The following UNC13C variants were observed in gnomAD, a reference collection of about 807,000 sequenced individuals.
UNC13C encodes protein unc-13 homolog C.
A neutral mutation model predicts 245.4 loss-of-function variants in UNC13C; 174 were observed. That is an observed-to-expected ratio of 0.71 (90% CI 0.63 to 0.80). The LOEUF is 0.80. Among genes scored for constraint, UNC13C ranks in the 30% least tolerant of loss-of-function variants. UNC13C has a pLI of 0.00. For synonymous variants in UNC13C, 992 were observed against 895.1 expected (o/e 1.11, Z -1.93); for missense variants, 2,829 against 2,602.9 (o/e 1.09, Z -1.89).
At chr15:54,026,850 G>A (rs150927377) in intron 2 of UNC13C, among the ~76,000 whole-genome samples, 19 of 152,264 alleles carry the variant, frequency 1.2e-4, no homozygotes, top group South Asian at 2.1e-4. Flanking sequence ...CTGGCTGGGC[G>A]TCTGGGATAT....
chr15:54,119,380 A>G (rs2030506262), intron 2 of UNC13C, among the ~76,000 whole-genome samples: 1 of 152,052 alleles, frequency 6.6e-6, no homozygotes, highest in Non-Finnish European at 1.5e-5. Flanking sequence ...GTGATCAGTG[A>G]CCTTTGATAT....
chr15:53,878,737 T>C, the UNC13C span, among the ~76,000 whole-genome samples: 3 of 152,206 alleles, frequency 2.0e-5, no homozygotes, highest in Non-Finnish European at 4.4e-5. Context: ...TATTCCTAAT[T>C]CAGTTTACTT....
chr15:54,293,320 G>T (rs1383254217), intron 10 of UNC13C, among the ~76,000 whole-genome samples: 2 of 151,962 alleles, frequency 1.3e-5, no homozygotes, highest in African/African-American at 4.8e-5. Flanking sequence ...ACAAAAGAGG[G>T]TGAAGAAAAC....
intron 2 of UNC13C, among the ~76,000 whole-genome samples, chr15:54,095,878 T>A (rs1899834611): frequency 6.6e-6 from 1 of 152,230 alleles, no homozygotes; most frequent in Non-Finnish European, 1.5e-5. Flanking sequence ...GGGGAAAGAT[T>A]ATTTTATGAC....
intron 17 of UNC13C, among the ~76,000 whole-genome samples, chr15:54,341,568 A>G (rs1257124569): frequency 6.6e-6 from 1 of 151,770 alleles, no homozygotes; most frequent in Non-Finnish European, 1.5e-5. Context: ...TCATGAATCT[A>G]AAATAAATGT....
intron 13 of UNC13C, among the ~76,000 whole-genome samples, chr15:54,316,301 G>A (rs1266087822): frequency 6.6e-6 from 1 of 151,818 alleles, no homozygotes; most frequent in African/African-American, 2.4e-5. Flanking sequence ...TATTGCTGGA[G>A]TTCACTTTAC....
chr15:54,273,455 A>G (rs542487586), intron 10 of UNC13C, among the ~76,000 whole-genome samples: 5 of 152,260 alleles, frequency 3.3e-5, no homozygotes, highest in African/African-American at 9.6e-5. Flanking sequence ...CCCATGGTAT[A>G]TCATAGCCTT....
At chr15:54,306,347 A>T (rs1266781951) in intron 13 of UNC13C, among the ~76,000 whole-genome samples, 2 of 152,012 alleles carry the variant, frequency 1.3e-5, no homozygotes, top group Non-Finnish European at 2.9e-5. Context: ...TGGCAAATGC[A>T]ACCATCCATC....
rs143344550 is a variant in UNC13C, at chr15:54,266,559, C to T, written c.3818+1063C>T. 2.9e-3 allele frequency among the ~76,000 whole-genome samples: 438 copies of T among 152,050 alleles called. 3 individuals are homozygous for T. Among genetic ancestry groups the T allele is most frequent in the African/African-American group, 0.01 (427 of 41,530 alleles). ...TGATTCCCAGAAAAGAAATGGCTTC[C>T]GTTGCCATGCGATCATGTAGACAAG... On this transcript the variant is annotated intron_variant, in intron 10 of 32. Coordinates refer to ENST00000260323, the MANE Select transcript of UNC13C (RefSeq NM_001080534.3).
chr15:54,065,626 T>G (rs566792693), intron 2 of UNC13C, among the ~76,000 whole-genome samples: 1 of 152,350 alleles, frequency 6.6e-6, no homozygotes, highest in Admixed American at 6.5e-5. Flanking sequence ...TGCTGGGCTC[T>G]TTCTTTAGGG....
intron 9 of UNC13C, among the ~76,000 whole-genome samples, chr15:54,264,921 T>C (rs1343842352): frequency 2.0e-5 from 3 of 151,966 alleles, no homozygotes; most frequent in African/African-American, 7.2e-5. Flanking sequence ...TCATTTTGTA[T>C]TTACAAGATA....
At chr15:54,130,518 T>G (rs1403132320) in intron 2 of UNC13C, among the ~76,000 whole-genome samples, 5 of 152,042 alleles carry the variant, frequency 3.3e-5, no homozygotes, top group East Asian at 1.9e-4. Context: ...GGTCTCTATC[T>G]CCTGACCTCG....
intron 13 of UNC13C, chr15:54,321,115 G>A (rs1232211206): frequency 5.8e-6 from 3 of 513,410 alleles, no homozygotes; most frequent in African/African-American, 1.9e-5. Flanking sequence ...TCAACTGGGT[G>A]AGGCACTAGC....
chr15:54,235,229 G>A, intron 5 of UNC13C, 121 bp downstream of exon 5: 1 of 706,976 alleles, frequency 1.4e-6, no homozygotes, highest in Non-Finnish European at 2.3e-6. Context: ...AAATATATGA[G>A]GCCAGATGCT....
intron 3 of UNC13C, 45 bp downstream of exon 3, chr15:54,143,085 T>C (rs749655191): frequency 6.4e-7 from 1 of 1,557,172 alleles, no homozygotes; most frequent in East Asian, 2.2e-5. Context: ...ATCTTGTCTT[T>C]TGTACATGTT....
At chr15:53,918,520 G>A in the UNC13C span, among the ~76,000 whole-genome samples, 1 of 152,308 alleles carries the variant, frequency 6.6e-6, no homozygotes, top group East Asian at 1.9e-4. Context: ...CCATGACCTT[G>A]ATATTTTTAT....
chr15:54,239,562 G>A (rs894332292), intron 7 of UNC13C, among the ~76,000 whole-genome samples: 1 of 152,082 alleles, frequency 6.6e-6, no homozygotes, highest in African/African-American at 2.4e-5. Context: ...ATGATCCTCT[G>A]GCCTCTGCCT....
chr15:54,103,753 A>G lies in UNC13C; in HGVS notation c.2984-39265A>G, dbSNP rs183506499. Among the ~76,000 whole-genome samples, 9 of 151,472 alleles carry G rather than the reference A, an allele frequency of 5.9e-5. No individual in the cohort carries two copies. In the East Asian group the frequency reaches 1.7e-3, roughly 29 times the overall value. On this transcript the variant is annotated intron_variant, in intron 2 of 32. Transcript: ENST00000260323. ...ATAGATCTTTTTATTTTATTTATTT[A>G]TTTTTTTATGAGACAGAGTCTCACT...
chr15:53,915,241 T>C, the UNC13C span, among the ~76,000 whole-genome samples: 2 of 152,230 alleles, frequency 1.3e-5, no homozygotes, highest in Non-Finnish European at 2.9e-5. Context: ...ATATGTCCTA[T>C]GTGTCCTCAG....
Sources: gnomAD v4.1 joint callset for allele counts (sites outside exome capture counted in the v4.1 genomes callset) on GRCh38, gnomAD v4.1.1 for gene constraint, MANE v1.5 for transcripts, NCBI Gene and HGNC (gene_info 2026-07-23, HGNC 2026-07-21) for gene names.